The following ZNF224 variants were observed in gnomAD, a reference collection of about 807,000 sequenced individuals.
ZNF224 encodes the protein bone marrow zinc finger 2.
In ZNF224, 8 loss-of-function variants were observed where a neutral mutation model predicts 10.5. The ratio of observed to expected loss-of-function variants is 0.76; its 90% confidence interval spans 0.45 to 1.37. The LOEUF is 1.37. Among genes scored for constraint, ZNF224 ranks in the 40% most tolerant of loss-of-function variants. The pLI, the probability that ZNF224 is intolerant of heterozygous loss-of-function variation, is 0.00. For missense variants in ZNF224, 754 were observed against 854.0 expected (o/e 0.88, Z 1.46); for synonymous variants, 282 against 287.8 (o/e 0.98, Z 0.20).
chr19:44,099,628 G>A (rs566178018), intron 3 of ZNF224, among the ~76,000 whole-genome samples: 7 of 152,032 alleles, frequency 4.6e-5, no homozygotes, highest in Non-Finnish European at 8.8e-5. Flanking sequence ...TTAGGAAGGA[G>A]GATTGTTTGA....
chr19:44,100,640 T>C (rs1038603030), intron 3 of ZNF224, among the ~76,000 whole-genome samples, 161 bp from the exon 4 acceptor site: 1 of 152,154 alleles, frequency 6.6e-6, no homozygotes, highest in Non-Finnish European at 1.5e-5. Context: ...AAATCAGTCA[T>C]TGTCAGGATA....
In ZNF224 at chr19:44,097,790, TC is replaced by T; in HGVS notation, c.-68-14del. ...CTTTTCATGTCTCTTTTTCTGCCTT[TC>T]CTGGCACTTTGCAGGCACAATTCTG... On this transcript the variant is annotated splice_polypyrimidine_tract_variant and intron_variant, in intron 2 of 5. Transcript: ENST00000693561. 6.5e-7 allele frequency: 1 copy of T among 1,529,242 alleles called. No homozygotes were observed. The highest frequency in any genetic ancestry group is 1.4e-5 in the African/African-American group (1 of 72,874). The allele number at this position is 1,529,242 out of a possible 1,614,324, so 94.7% of individuals were successfully genotyped here. A position where few individuals can be genotyped will look rare whatever the true frequency, so the allele number is the denominator to read the frequency against.
At position 44,108,010 on chromosome 19, in the gene ZNF224, G is replaced by T; in HGVS notation, c.1850G>T (p.Arg617Leu). The change falls in exon 6 of 6, where the codon CGC becomes CTC. Residue 617 changes from arginine to leucine, a missense_variant. Physicochemically the swap from Arg to Leu is moderately radical, Grantham distance 102. Coordinates refer to ENST00000693561, the MANE Select transcript of ZNF224 (RefSeq NM_001321645.3). Reference sequence around the variant, plus strand: ...TCAACTCGTCTGACCCATCAGAGACGCCACAGCAGAGAAACACCTCTCAAA... The same window carrying T: ...TCAACTCGTCTGACCCATCAGAGACTCCACAGCAGAGAAACACCTCTCAAA... The part of the protein sequence containing the change: ...WSSTRLTHQR[R>L]HSRETPLKCE... 6.2e-7 allele frequency: 1 copy of T among 1,614,132 alleles called. No individual in the cohort carries two copies. Among genetic ancestry groups the T allele is most frequent in the Non-Finnish European group, 8.5e-7 (1 of 1,180,018 alleles).
chr19:44,101,011 T>C, intron 4 of ZNF224, 84 bp downstream of exon 4: 1 of 1,608,680 alleles, frequency 6.2e-7, no homozygotes, highest in South Asian at 1.1e-5. Context: ...AAGTCTTAAT[T>C]AGTAACTTGA....
rs1967693046 is a variant in ZNF224, at chr19:44,107,204, G to T, written c.1044G>T (p.Glu348Asp). The T allele has an allele frequency of 2.5e-6, 4 of 1,604,482 alleles. No homozygotes were observed. Among genetic ancestry groups the T allele is most frequent in the Non-Finnish European group, 2.6e-6 (3 of 1,175,118 alleles). Reference sequence around the variant, plus strand: ...GAGAGAAACCATACAAATGTGAGGAGTGTGGAAAAGGCTTTATTTGTAGGC... The same window carrying T: ...GAGAGAAACCATACAAATGTGAGGATTGTGGAAAAGGCTTTATTTGTAGGC... The part of the protein sequence containing the change: ...HTGEKPYKCE[E>D]CGKGFICRRD... Residue 348 changes from glutamate to aspartate, a missense_variant, in exon 6 of 6, where the codon GAG becomes GAT. Transcript: ENST00000693561.
rs764612404 is a variant in ZNF224 at position 44,097,862 on chromosome 19, G to C, written c.-12G>C. The C allele has an allele frequency of 1.2e-6, 2 of 1,613,894 alleles. No individual in the cohort carries two copies. Among genetic ancestry groups the C allele is most frequent in the Non-Finnish European group, 1.7e-6 (2 of 1,179,978 alleles). On this transcript the variant is annotated 5_prime_UTR_variant, in exon 3 of 6. Transcript: ENST00000693561. ...CTCAGGACTCTGCAAGTTTCCAGAA[G>C]TAAGAGGGAAAATGACCACGTTCAA... is the stretch of plus-strand genomic sequence containing the variant.
chr19:44,107,972 C>G lies in ZNF224; in HGVS notation c.1812C>G (p.Gly604=), dbSNP rs1350405250. The change falls in exon 6 of 6, where the codon GGC becomes GGG. Residue 604 remains glycine (G), a synonymous_variant. Coordinates refer to ENST00000693561, the MANE Select transcript of ZNF224 (RefSeq NM_001321645.3). ...ACAAATGTGATGAGTGTGGGAAGGG[C>G]TTCAGCTGGTCCTCAACTCGTCTGA... is the stretch of plus-strand genomic sequence containing the variant. ...KPYKCDECGK[G]FSWSSTRLTH... 1 of 1,614,224 alleles carries G rather than the reference C, an allele frequency of 6.2e-7. No homozygotes were observed. Among genetic ancestry groups the G allele is most frequent in the African/African-American group, 1.3e-5 (1 of 75,068 alleles).
chr19:44,098,181 A>C (rs1487861405), intron 3 of ZNF224, among the ~76,000 whole-genome samples: 1 of 152,176 alleles, frequency 6.6e-6, no homozygotes, highest in African/African-American at 2.4e-5. Flanking sequence ...ACTCTTCCTC[A>C]TGTGCATTCA....
intron 2 of ZNF224, 54 bp from the exon 3 acceptor site, chr19:44,097,752 C>A: frequency 9.5e-7 from 1 of 1,055,012 alleles, no homozygotes; most frequent in Non-Finnish European, 1.4e-6. Context: ...TGGTGGGTGG[C>A]ATCCCTGGCC....
intron 5 of ZNF224, chr19:44,105,942 A>G (rs7249834): frequency 0.85 from 134,470 of 158,804 alleles, 57,235 homozygotes; most frequent in Non-Finnish European, 0.88. Flanking sequence ...TTGGTTCCAT[A>G]TCTTTGAAAT....
chr19:44,104,095 T>C (rs943056142), intron 5 of ZNF224, among the ~76,000 whole-genome samples: 3 of 152,182 alleles, frequency 2.0e-5, no homozygotes, highest in Non-Finnish European at 4.4e-5. Context: ...TCACCACCTT[T>C]CATTGTCTCA....
At position 44,107,083 on chromosome 19, in the gene ZNF224, T is replaced by C; in HGVS notation, c.923T>C (p.Met308Thr). 1.2e-6 allele frequency: 2 copies of C among 1,601,846 alleles called. No individual in the cohort carries two copies. The highest frequency in any genetic ancestry group is 1.7e-6 in the Non-Finnish European group (2 of 1,173,294). Reference protein sequence around the residue: ...CGRSRLNRHSMVHTAEKPFRC... With the variant: ...CGRSRLNRHSTVHTAEKPFRC... ...AGATCAAGACTTAATAGGCATTCCATGGTTCACACGGCAGAGAAACCATTC... is the reference window on the plus strand; with the variant it reads ...AGATCAAGACTTAATAGGCATTCCACGGTTCACACGGCAGAGAAACCATTC... The change falls in exon 6 of 6, where the codon ATG becomes ACG. Residue 308 changes from methionine to threonine, a missense_variant. By Grantham distance (81) the Met-to-Thr change is moderately conservative (BLOSUM62 -1). Coordinates refer to ENST00000693561, the MANE Select transcript of ZNF224 (RefSeq NM_001321645.3).
In ZNF224 at chr19:44,106,805, G is replaced by C. The variant is rs1227054437; in HGVS notation, c.645G>C (p.Gln215His). ...ACGTGTGTGGTAAGGAATTCAGTCAGAGTTCACATCTGCAAACTCATCAGA... is the reference window on the plus strand; with the variant it reads ...ACGTGTGTGGTAAGGAATTCAGTCACAGTTCACATCTGCAAACTCATCAGA... ...KCDVCGKEFS[Q>H]SSHLQTHQRV... The change falls in exon 6 of 6, where the codon CAG becomes CAC. Residue 215 changes from glutamine to histidine, a missense_variant. Transcript: ENST00000693561. 2.5e-6 allele frequency: 4 copies of C among 1,613,910 alleles called. No homozygotes were observed. The East Asian group carries it at 8.9e-5, about 36-fold the overall frequency.
chr19:44,100,676 G>A lies in ZNF224; in HGVS notation c.16-125G>A, dbSNP rs376541322. On this transcript the variant is annotated intron_variant, in intron 3 of 5. Coordinates refer to ENST00000693561, the MANE Select transcript of ZNF224 (RefSeq NM_001321645.3). Reference sequence around the variant, plus strand: ...CAGACAGAATGAGTAGGAAATCTACGAGTTGACCTATGTCTCTCAAGATCC... The same window carrying A: ...CAGACAGAATGAGTAGGAAATCTACAAGTTGACCTATGTCTCTCAAGATCC... The A allele has an allele frequency of 4.1e-5, 49 of 1,205,978 alleles. No individual in the cohort carries two copies. The African/African-American group carries it at 5.6e-4, about 14-fold the overall frequency. 74.7% of individuals were successfully genotyped at this position (1,205,978 alleles called of 1,614,324 possible).
chr19:44,108,421 T>C lies in ZNF224; in HGVS notation c.*137T>C. On this transcript the variant is annotated 3_prime_UTR_variant, in exon 6 of 6. Transcript: ENST00000693561. ...TTTGAGTATTTTATCTCTGAATCCA[T>C]GCTGGTGATAAATTTCACCCATTCT... 1 of 923,452 alleles carries C rather than the reference T, an allele frequency of 1.1e-6. No homozygotes were observed. The highest frequency in any genetic ancestry group is 1.6e-6 in the Non-Finnish European group (1 of 630,346). The allele number at this position is 923,452 out of a possible 1,614,324, so 57.2% of individuals were successfully genotyped here. A position where few individuals can be genotyped will look rare whatever the true frequency, so the allele number is the denominator to read the frequency against.
rs924311034 is a variant in ZNF224, at chr19:44,106,664, A to G, written c.504A>G (p.Gln168=). The change falls in exon 6 of 6, where the codon CAA becomes CAG. Residue 168 remains glutamine, a synonymous_variant. Transcript: ENST00000693561. The part of the protein sequence containing the change: ...SDVSHFDFHQ[Q]LHSGEKSHTC... The stretch of plus-strand genomic sequence containing the variant: ...TCTCCCACTTTGATTTTCATCAACA[A>G]TTACACTCAGGAGAGAAATCTCATA... 2.5e-6 allele frequency: 4 copies of G among 1,596,456 alleles called. No homozygotes were observed. The highest frequency in any genetic ancestry group is 1.7e-5 in the Admixed American group (1 of 58,844).
intron 5 of ZNF224, chr19:44,105,619 G>C (rs578199538): frequency 3.3e-5 from 5 of 152,260 alleles, no homozygotes; most frequent in African/African-American, 1.2e-4. Flanking sequence ...CCCATCACCT[G>C]AGTAGTGTAC....
intron 5 of ZNF224, among the ~76,000 whole-genome samples, chr19:44,101,709 G>T (rs918655212): frequency 4.6e-5 from 7 of 152,160 alleles, no homozygotes; most frequent in African/African-American, 1.7e-4. Context: ...TATTATTTTT[G>T]TGTTCTTTAG....
At position 44,106,782 on chromosome 19, in the gene ZNF224, G is replaced by A. The variant is rs541964542; in HGVS notation, c.622G>A (p.Val208Met). 41 of 1,613,864 alleles carry A rather than the reference G, an allele frequency of 2.5e-5. No individual in the cohort carries two copies. Among genetic ancestry groups the A allele is most frequent in the East Asian group, 1.1e-4 (5 of 44,882 alleles). The change falls in exon 6 of 6, where the codon GTG (valine) becomes ATG (methionine). Residue 208 changes from valine (V) to methionine (M), a missense_variant. Coordinates refer to ENST00000693561, the MANE Select transcript of ZNF224 (RefSeq NM_001321645.3). The stretch of plus-strand genomic sequence containing the variant: ...GGGAGAGAAATGCTATAAGTGTGAC[G>A]TGTGTGGTAAGGAATTCAGTCAGAG... ...HMGEKCYKCD[V>M]CGKEFSQSSH...
Sources: allele counts gnomAD v4.1 joint callset (sites outside exome capture counted in the v4.1 genomes callset), GRCh38; gene constraint gnomAD v4.1.1; transcripts MANE v1.5; gene names NCBI Gene and HGNC (gene_info 2026-07-23, HGNC 2026-07-21).